Variants in RYR3 observed in about 807,000 individuals in gnomAD.
RYR3 encodes ryanodine receptor 3.
Under a neutral mutation model 584.3 loss-of-function variants are expected in RYR3, and 207 were observed. The observed-to-expected ratio is 0.35, with a 90% CI of 0.32 to 0.40. RYR3 has a LOEUF of 0.40. RYR3 is among the 10% of genes least tolerant of loss of function. The pLI is 1.00. For missense variants in RYR3, 5,616 were observed against 6,089.2 expected (o/e 0.92, Z 2.59); for synonymous variants, 2,416 against 2,248.5 (o/e 1.07, Z -2.11).
At chr15:33,397,909 C>G (rs1436315486) in intron 1 of RYR3, among the ~76,000 whole-genome samples, 1 of 152,184 alleles carries the variant, frequency 6.6e-6, no homozygotes, top group African/African-American at 2.4e-5. Context: ...CCCATCCCAT[C>G]ATGGCCAGAA....
At position 33,338,305 on chromosome 15, in the gene RYR3, A is replaced by G. The variant is rs574000923; in HGVS notation, c.51+27209A>G. ...GACAGGTCTATGGCTTTCCTCAAAGATGATTTTCGGGGCTCCAAATTTAAA... is the reference window on the plus strand; with the variant it reads ...GACAGGTCTATGGCTTTCCTCAAAGGTGATTTTCGGGGCTCCAAATTTAAA... On this transcript the variant is annotated intron_variant, in intron 1 of 103. Coordinates refer to ENST00000634891, the MANE Select transcript of RYR3 (RefSeq NM_001036.6). 1.6e-4 allele frequency among the ~76,000 whole-genome samples: 25 copies of G among 152,238 alleles called. No homozygotes were observed. The East Asian group carries it at 4.6e-3, about 28-fold the overall frequency.
intron 69 of RYR3, among the ~76,000 whole-genome samples, chr15:33,805,336 T>A (rs1381977233): frequency 1.3e-5 from 2 of 152,160 alleles, no homozygotes; most frequent in East Asian, 3.8e-4. Context: ...GTGATTTCAG[T>A]GGATCGAAAA....
intron 43 of RYR3, among the ~76,000 whole-genome samples, chr15:33,721,974 A>G (rs11632931): frequency 0.47 from 71,941 of 152,020 alleles, 19,270 homozygotes; most frequent in East Asian, 0.83. Context: ...TTCCCACAGA[A>G]CAAGTTTAGG....
At chr15:33,808,067 T>C (rs989423691) in intron 70 of RYR3, among the ~76,000 whole-genome samples, 8 of 152,220 alleles carry the variant, frequency 5.3e-5, no homozygotes, top group African/African-American at 1.9e-4. Context: ...AGGTTATAAC[T>C]GAACATTTTC....
At chr15:33,840,666 C>T (rs11639042) in intron 89 of RYR3, 159 bp from the exon 90 acceptor site, 73,723 of 651,790 alleles carry the variant, frequency 0.11, 7,593 homozygotes, top group African/African-American at 0.42. Flanking sequence ...AGTCACTTGA[C>T]ATATATAGCA....
intron 1 of RYR3, among the ~76,000 whole-genome samples, chr15:33,371,162 G>T (rs2040304094): frequency 6.6e-6 from 1 of 152,198 alleles, no homozygotes; most frequent in South Asian, 2.1e-4. Context: ...ATATTATCCT[G>T]TTTTATGAAT....
Position 33,859,694 on chromosome 15 carries a change from C to G in RYR3, c.14262C>G (p.Phe4754Leu), listed in dbSNP as rs1040889450. 1.2e-6 allele frequency: 2 copies of G among 1,612,958 alleles called. No individual in the cohort carries two copies. Among genetic ancestry groups the G allele is most frequent in the Admixed American group, 3.3e-5 (2 of 59,882 alleles). ...MYRIVFDITF[F>L]FFVIVILLAI... The stretch of plus-strand genomic sequence containing the variant: ...GCATTGTCTTTGACATTACCTTTTT[C>G]TTCTTCGTCATTGTCATCTTGCTGG... The change falls in exon 100 of 104, where the codon TTC becomes TTG. Residue 4754 changes from phenylalanine to leucine, a missense_variant. Transcript: ENST00000634891.
At position 33,860,571 on chromosome 15, in the gene RYR3, TTGTCTTTGTATTTA is replaced by T; in HGVS notation, c.14300-23_14300-10del. ...CCCCTGAACCACTACACAGATTGCT[TTGTCTTTGTATTTA>T]ACATTCCAGGTCTTATTATTGATGC... On this transcript the variant is annotated splice_polypyrimidine_tract_variant and intron_variant, in intron 100 of 103. Coordinates refer to ENST00000634891, the MANE Select transcript of RYR3 (RefSeq NM_001036.6). 6.7e-7 allele frequency: 1 copy of T among 1,501,782 alleles called. No individual in the cohort carries two copies. The highest frequency in any genetic ancestry group is 9.1e-7 in the Non-Finnish European group (1 of 1,098,700). 93.0% of individuals were successfully genotyped at this position (1,501,782 alleles called of 1,614,324 possible).
chr15:33,687,793 A>G (rs2065120520), intron 38 of RYR3, among the ~76,000 whole-genome samples: 1 of 152,152 alleles, frequency 6.6e-6, no homozygotes, highest in Non-Finnish European at 1.5e-5. Flanking sequence ...GACAAACCTG[A>G]CAAAAACAGG....
chr15:33,503,830 T>A, intron 3 of RYR3, 92 bp downstream of exon 3: 2 of 746,990 alleles, frequency 2.7e-6, no homozygotes, highest in South Asian at 3.3e-5. Flanking sequence ...AACTGAAAAA[T>A]TTTAAGACTG....
chr15:33,773,871 A>G (rs887856581), intron 64 of RYR3, among the ~76,000 whole-genome samples: 3 of 152,224 alleles, frequency 2.0e-5, no homozygotes, highest in Non-Finnish European at 4.4e-5. Context: ...GCCAAGCTAA[A>G]TCAGGTGCTC....
chr15:33,558,977 C>T (rs1185828463), intron 10 of RYR3, among the ~76,000 whole-genome samples: 2 of 152,056 alleles, frequency 1.3e-5, no homozygotes, highest in Non-Finnish European at 2.9e-5. Context: ...GATAAATGGG[C>T]ATAGGGTTGT....
At chr15:33,386,770 A>G (rs2041630194) in intron 1 of RYR3, among the ~76,000 whole-genome samples, 1 of 152,164 alleles carries the variant, frequency 6.6e-6, no homozygotes. Flanking sequence ...ATAGAAGCGG[A>G]ATTGTAGAGT....
At chr15:33,710,170 T>C (rs2066997346) in intron 43 of RYR3, among the ~76,000 whole-genome samples, 4 of 152,274 alleles carry the variant, frequency 2.6e-5, no homozygotes, top group South Asian at 4.1e-4. Flanking sequence ...GTTTAATTGG[T>C]TCACAGTACT....
chr15:33,865,069 A>T (rs975301039), intron 103 of RYR3, 62 bp from the exon 104 acceptor site: 2 of 1,355,308 alleles, frequency 1.5e-6, no homozygotes, highest in East Asian at 2.3e-5. Flanking sequence ...GAACAAAAAC[A>T]AACTGGGTTT....
At chr15:33,813,130 AC>A in intron 73 of RYR3, 136 bp downstream of exon 73, 9 of 1,113,570 alleles carry the variant, frequency 8.1e-6, no homozygotes, top group Non-Finnish European at 8.9e-6. Flanking sequence ...ATCCCAGATC[AC>A]CCCCACGTGC....
At chr15:33,551,101 G>C (rs1227655875) in intron 10 of RYR3, among the ~76,000 whole-genome samples, 3 of 152,220 alleles carry the variant, frequency 2.0e-5, no homozygotes, top group African/African-American at 7.2e-5. Context: ...GGATCTAGCT[G>C]AACGGTCAGA....
At chr15:33,569,046 G>T (rs576823906) in intron 12 of RYR3, among the ~76,000 whole-genome samples, 6 of 152,302 alleles carry the variant, frequency 3.9e-5, no homozygotes, top group Non-Finnish European at 8.8e-5. Flanking sequence ...GTGTATGTGT[G>T]TGTAGAGTGA....
intron 58 of RYR3, 36 bp downstream of exon 58, chr15:33,755,216 A>G (rs1409384580): frequency 6.2e-6 from 7 of 1,129,984 alleles, no homozygotes; most frequent in East Asian, 4.9e-5. Flanking sequence ...AAAGAATTCA[A>G]TATTCTTTTA....
Sources: gnomAD v4.1 joint callset for allele counts (sites outside exome capture counted in the v4.1 genomes callset) on GRCh38, gnomAD v4.1.1 for gene constraint, MANE v1.5 for transcripts, NCBI Gene and HGNC (gene_info 2026-07-23, HGNC 2026-07-21) for gene names.